CD58: variants seen among roughly 807,000 people sequenced by gnomAD.
CD58 encodes lymphocyte function-associated antigen 3.
A neutral mutation model predicts 27.6 loss-of-function variants in CD58; 14 were observed. The observed-to-expected ratio is 0.51, with a 90% CI of 0.34 to 0.79. CD58 has a LOEUF of 0.79. CD58 is among the 30% of genes least tolerant of loss of function. The pLI is 0.02. For missense variants in CD58, 268 were observed against 301.7 expected, an observed-to-expected ratio of 0.89 and a Z score of 0.83; for synonymous variants, 117 against 103.8, an observed-to-expected ratio of 1.13 and a Z score of -0.77.
rs1197955262 is a variant in CD58, at chr1:116,546,056, T to TC, written c.71-1453dup. 6.6e-6 allele frequency among the ~76,000 whole-genome samples: 1 copy of TC among 152,120 alleles called. No individual in the cohort carries two copies. Among genetic ancestry groups the TC allele is most frequent in the Non-Finnish European group, 1.5e-5 (1 of 68,020 alleles). On this transcript the variant is annotated intron_variant, in intron 1 of 5. Transcript: ENST00000369489. The surrounding 1 kb of genome is among the most constrained non-coding windows in gnomAD (Gnocchi z 4.1). ...AGCTGGGCATGGCACACACCTGTGG[T>TC]CCCCAGCTACTTGGGAGGCTGAAGA...
Position 116,517,400 on chromosome 1 carries a change from C to A in CD58, c.743+1831G>T, listed in dbSNP as rs1657113922. On this transcript the variant is annotated intron_variant, in intron 5 of 5. Coordinates refer to ENST00000369489, the MANE Select transcript of CD58 (RefSeq NM_001779.3). The surrounding 1 kb of genome is among the most constrained non-coding windows in gnomAD (Gnocchi z 6.5). ...TACTTCCTTGCCCCCAGGCCTCCTG[C>A]CACAGCTTGTTTCTCCTGCACTGTT... 6.6e-6 allele frequency among the ~76,000 whole-genome samples: 1 copy of A among 152,164 alleles called. No homozygotes were observed. The highest frequency in any genetic ancestry group is 2.4e-5 in the African/African-American group (1 of 41,436).
At chr1:116,545,207 G>A (rs1658124795) in intron 1 of CD58, among the ~76,000 whole-genome samples, 1 of 152,148 alleles carries the variant, frequency 6.6e-6, no homozygotes, top group Non-Finnish European at 1.5e-5. Context: ...ACAGACAAAG[G>A]CCAGCCCACA....
At chr1:116,525,935 G>C (rs555835890) in intron 3 of CD58, among the ~76,000 whole-genome samples, 3 of 152,306 alleles carry the variant, frequency 2.0e-5, no homozygotes, top group African/African-American at 7.2e-5. Flanking sequence ...ACAGGTGTGA[G>C]CCACCGCACC....
At chr1:116,526,534 T>C (rs1314972506) in intron 3 of CD58, among the ~76,000 whole-genome samples, 1 of 152,232 alleles carries the variant, frequency 6.6e-6, no homozygotes, top group Non-Finnish European at 1.5e-5. Context: ...TCTATTCCGA[T>C]TCACTGATCT....
Position 116,515,096 on chromosome 1 carries a change from A to G in CD58, c.744-274T>C, listed in dbSNP as rs868137850. On this transcript the variant is annotated intron_variant, in intron 5 of 5. Transcript: ENST00000369489. The surrounding 1 kb of genome is among the most constrained non-coding windows in gnomAD (Gnocchi z 4.6). Reference sequence around the variant, plus strand: ...CTTACTCTCTGAGTATAACTGAAAGATTGAACAACAGAGCTGAGACTGTTA... The same window carrying G: ...CTTACTCTCTGAGTATAACTGAAAGGTTGAACAACAGAGCTGAGACTGTTA... Among the ~76,000 whole-genome samples the G allele has an allele frequency of 6.6e-5, 10 of 152,228 alleles. No individual in the cohort carries two copies. The highest frequency in any genetic ancestry group is 1.9e-4 in the African/African-American group (8 of 41,462).
intron 1 of CD58, among the ~76,000 whole-genome samples, chr1:116,555,301 A>C (rs1658527141): frequency 2.0e-5 from 3 of 152,070 alleles, no homozygotes; most frequent in African/African-American, 4.8e-5. Context: ...GGTTTGAATA[A>C]AATTGAGAGT....
intron 3 of CD58, among the ~76,000 whole-genome samples, chr1:116,530,777 A>G (rs537406009): frequency 1.3e-5 from 2 of 152,160 alleles, no homozygotes; most frequent in African/African-American, 4.8e-5. Context: ...TTCAAAAATC[A>G]TCTCAGAAAA....
In CD58 at chr1:116,531,740, A is replaced by T. The variant is rs111842687; in HGVS notation, c.628+4225T>A. 6.6e-6 allele frequency among the ~76,000 whole-genome samples: 1 copy of T among 152,026 alleles called. No homozygotes were observed. Among genetic ancestry groups the T allele is most frequent in the Non-Finnish European group, 1.5e-5 (1 of 68,012 alleles). Reference sequence around the variant, plus strand: ...CAGTTATAAATTGGGACTCATTTGCACTTTTTCTTTTTTTTCTCCGTGTTT... The same window carrying T: ...CAGTTATAAATTGGGACTCATTTGCTCTTTTTCTTTTTTTTCTCCGTGTTT... On this transcript the variant is annotated intron_variant, in intron 3 of 5. Coordinates refer to ENST00000369489, the MANE Select transcript of CD58 (RefSeq NM_001779.3). The surrounding 1 kb of genome is among the most constrained non-coding windows in gnomAD (Gnocchi z 4.5).
chr1:116,556,073 T>C (rs928112738), intron 1 of CD58, among the ~76,000 whole-genome samples: 1 of 151,896 alleles, frequency 6.6e-6, no homozygotes, highest in Non-Finnish European at 1.5e-5. Context: ...CTGGCCAACA[T>C]GGTGAAACCC....
At chr1:116,554,490 A>G (rs1222506345) in intron 1 of CD58, among the ~76,000 whole-genome samples, 1 of 152,118 alleles carries the variant, frequency 6.6e-6, no homozygotes, top group African/African-American at 2.4e-5. Flanking sequence ...GTTTGATACC[A>G]GCCTGGGCAA....
chr1:116,565,194 C>G (rs1331950808), intron 1 of CD58, among the ~76,000 whole-genome samples: 1 of 152,158 alleles, frequency 6.6e-6, no homozygotes, highest in Non-Finnish European at 1.5e-5. Context: ...GTTCAAAATC[C>G]TTCAAAACTT....
chr1:116,525,858 C>T (rs967509729), intron 3 of CD58, among the ~76,000 whole-genome samples: 2 of 152,186 alleles, frequency 1.3e-5, no homozygotes, highest in African/African-American at 4.8e-5. Flanking sequence ...CCCATGTTGG[C>T]CAGGCTGGTC....
chr1:116,525,524 GT>G (rs1657400588), intron 3 of CD58, among the ~76,000 whole-genome samples: 1 of 152,192 alleles, frequency 6.6e-6, no homozygotes. Flanking sequence ...GTCAACATAA[GT>G]TTTTAATGCC....
Position 116,532,569 on chromosome 1 carries a change from G to A in CD58, c.628+3396C>T, listed in dbSNP as rs1427056302. 6.6e-6 allele frequency among the ~76,000 whole-genome samples: 1 copy of A among 152,138 alleles called. No individual in the cohort carries two copies. The highest frequency in any genetic ancestry group is 1.5e-5 in the Non-Finnish European group (1 of 68,022). On this transcript the variant is annotated intron_variant, in intron 3 of 5. Coordinates refer to ENST00000369489, the MANE Select transcript of CD58 (RefSeq NM_001779.3). The surrounding 1 kb of genome is among the most constrained non-coding windows in gnomAD (Gnocchi z 5.1). ...TGGTAGGAGAGGTTCTAGATCCCTG[G>A]AACCTCATCACCAGACCTCGGCCCT...
chr1:116,544,412 C>A lies in CD58; in HGVS notation c.263G>T (p.Gly88Val). 6.2e-7 allele frequency: 1 copy of A among 1,613,366 alleles called. No homozygotes were observed. The highest frequency in any genetic ancestry group is 8.5e-7 in the Non-Finnish European group (1 of 1,179,436). The change falls in exon 2 of 6, where the codon GGT (glycine) becomes GTT (valine). Residue 88 changes from glycine to valine, a missense_variant. Physicochemically the swap from Gly to Val is moderately radical, Grantham distance 109. Coordinates refer to ENST00000369489, the MANE Select transcript of CD58 (RefSeq NM_001779.3). ...TGTTAAGTTGTAGATAGTGAGGCTA[C>A]CTGACACAGTGTCTAAATAAACCCT... ...KNRVYLDTVS[G>V]SLTIYNLTSS...
Position 116,557,567 on chromosome 1 carries a change from C to T in CD58, c.71-12963G>A, listed in dbSNP as rs1222982900. 6.6e-6 allele frequency among the ~76,000 whole-genome samples: 1 copy of T among 152,164 alleles called. No homozygotes were observed. The highest frequency in any genetic ancestry group is 1.9e-4 in the East Asian group (1 of 5,196). On this transcript the variant is annotated intron_variant, in intron 1 of 5. Coordinates refer to ENST00000369489, the MANE Select transcript of CD58 (RefSeq NM_001779.3). This position sits in a 1 kb window ranked among gnomAD's most constrained non-coding sequence, Gnocchi z 5.2. ...CAGCCCCAATCAAACTTAACAGCCT[C>T]GCTATGGTTTGAGGAGGTTCACTGA...
chr1:116,567,864 G>A (rs934969786), intron 1 of CD58, among the ~76,000 whole-genome samples: 2 of 152,200 alleles, frequency 1.3e-5, no homozygotes, highest in Middle Eastern at 3.4e-3. Context: ...CTCCAATAAT[G>A]TGACAAACAG....
intron 3 of CD58, chr1:116,533,740 G>C (rs1657695753): frequency 4.3e-6 from 3 of 702,778 alleles, no homozygotes; most frequent in South Asian, 1.4e-5. Context: ...TTCCATATCA[G>C]ATGTTGGTTC....
rs1423264327 is a variant in CD58, at chr1:116,550,998, C to T, written c.71-6394G>A. On this transcript the variant is annotated intron_variant, in intron 1 of 5. Coordinates refer to ENST00000369489, the MANE Select transcript of CD58 (RefSeq NM_001779.3). The surrounding 1 kb of genome is among the most constrained non-coding windows in gnomAD (Gnocchi z 4.2). ...GCAGTAAGTATTAACAGTGGGCTTACAATATTCAGTAAACCATGCTGTAAA... is the reference window on the plus strand; with the variant it reads ...GCAGTAAGTATTAACAGTGGGCTTATAATATTCAGTAAACCATGCTGTAAA... Among the ~76,000 whole-genome samples, 1 of 152,058 alleles carries T rather than the reference C, an allele frequency of 6.6e-6. No individual in the cohort carries two copies. The highest frequency in any genetic ancestry group is 1.5e-5 in the Non-Finnish European group (1 of 68,016).
Sources: allele counts gnomAD v4.1 joint callset (sites outside exome capture counted in the v4.1 genomes callset), GRCh38; gene constraint gnomAD v4.1.1; non-coding constraint Gnocchi (gnomAD v3.1); transcripts MANE v1.5; gene names NCBI Gene and HGNC (gene_info 2026-07-23, HGNC 2026-07-21).